The following ADAM18 variants were observed in gnomAD, a reference collection of about 807,000 sequenced individuals.
The protein encoded by ADAM18 is disintegrin and metalloproteinase domain-containing protein 18.
ADAM18 carries 117 observed loss-of-function variants against 94.4 expected under a neutral mutation model. That is an observed-to-expected ratio of 1.24 (90% CI 1.07 to 1.45). ADAM18 has a LOEUF of 1.45. Ranked by LOEUF, ADAM18 falls within the 40% of genes most tolerant of loss-of-function variation. ADAM18 has a pLI of 0.00. For synonymous variants in ADAM18, 327 were observed against 291.6 expected (o/e 1.12, Z -1.24); for missense variants, 936 against 880.0 (o/e 1.06, Z -0.81).
intron 7 of ADAM18, among the ~76,000 whole-genome samples, chr8:39,631,061 G>A (rs993297766): frequency 1.3e-5 from 2 of 151,754 alleles, no homozygotes; most frequent in African/African-American, 4.8e-5. Context: ...CATTTTAATA[G>A]TTTCCTTACT....
chr8:39,687,259 T>G (rs984193383), intron 16 of ADAM18, among the ~76,000 whole-genome samples: 9 of 152,214 alleles, frequency 5.9e-5, no homozygotes, highest in Non-Finnish European at 1.3e-4. Context: ...CATACTTAAA[T>G]GGCCATGCAT....
At chr8:39,715,529 A>G (rs1398235076) in intron 18 of ADAM18, among the ~76,000 whole-genome samples, 1 of 151,930 alleles carries the variant, frequency 6.6e-6, no homozygotes, top group Admixed American at 6.6e-5. Flanking sequence ...TTCTTTGAAA[A>G]CATCAGTTAC....
intron 7 of ADAM18, among the ~76,000 whole-genome samples, chr8:39,634,020 C>T (rs1327755856): frequency 6.6e-6 from 1 of 152,016 alleles, no homozygotes; most frequent in Non-Finnish European, 1.5e-5. Flanking sequence ...CATTACAAGC[C>T]CAGAGTGCTG....
intron 6 of ADAM18, among the ~76,000 whole-genome samples, chr8:39,628,943 A>G: frequency 6.6e-6 from 1 of 152,038 alleles, no homozygotes; most frequent in South Asian, 2.1e-4. Context: ...ACAAATCACA[A>G]TATTTACCTG....
intron 2 of ADAM18, among the ~76,000 whole-genome samples, chr8:39,585,577 A>G (rs761442837): frequency 3.9e-5 from 6 of 152,102 alleles, no homozygotes; most frequent in Non-Finnish European, 4.4e-5. Context: ...CTTGTTCACA[A>G]TTTCCAAGAA....
intron 15 of ADAM18, 89 bp from the exon 16 acceptor site, chr8:39,679,948 A>T: frequency 8.1e-7 from 1 of 1,240,684 alleles, no homozygotes; most frequent in Non-Finnish European, 1.1e-6. Flanking sequence ...CTATCAATTA[A>T]CAGTATGTTA....
At chr8:39,599,633 A>C (rs1407627336) in intron 2 of ADAM18, among the ~76,000 whole-genome samples, 1 of 152,118 alleles carries the variant, frequency 6.6e-6, no homozygotes, top group East Asian at 1.9e-4. Flanking sequence ...TTCTAGACAC[A>C]GATATTGCTC....
At chr8:39,592,848 T>C (rs1408172727) in intron 2 of ADAM18, among the ~76,000 whole-genome samples, 2 of 152,198 alleles carry the variant, frequency 1.3e-5, no homozygotes, top group Non-Finnish European at 2.9e-5. Flanking sequence ...AAAAGTGCTA[T>C]GCATGGATTT....
At chr8:39,624,405 AGGGTCC>A (rs1563280075) in intron 6 of ADAM18, among the ~76,000 whole-genome samples, 1 of 152,158 alleles carries the variant, frequency 6.6e-6, no homozygotes, top group Admixed American at 6.5e-5. Flanking sequence ...CATTGAATAG[AGGGTCC>A]TTCCCCCAAT....
chr8:39,678,519 C>T (rs1431321041), intron 15 of ADAM18, among the ~76,000 whole-genome samples: 2 of 152,054 alleles, frequency 1.3e-5, no homozygotes, highest in Admixed American at 6.6e-5. Flanking sequence ...GTGGGGATCT[C>T]AGGAGGAGAC....
intron 12 of ADAM18, among the ~76,000 whole-genome samples, chr8:39,650,099 A>G (rs867355477): frequency 1.3e-5 from 2 of 152,200 alleles, no homozygotes; most frequent in Non-Finnish European, 2.9e-5. Context: ...AGTAATTTGA[A>G]CTATATGAAA....
chr8:39,609,799 T>C (rs1819210207), intron 5 of ADAM18, among the ~76,000 whole-genome samples: 1 of 152,174 alleles, frequency 6.6e-6, no homozygotes, highest in African/African-American at 2.4e-5. Context: ...AAGAAAACTT[T>C]AAAATATCTC....
At chr8:39,692,505 T>C (rs1821809315) in intron 16 of ADAM18, 95 bp from the exon 17 acceptor site, 1 of 532,482 alleles carries the variant, frequency 1.9e-6, no homozygotes, top group Non-Finnish European at 3.1e-6. Flanking sequence ...TCTTTCAACT[T>C]AAGCATCTCT....
At chr8:39,589,625 T>C (rs1184594407) in intron 2 of ADAM18, among the ~76,000 whole-genome samples, 1 of 151,758 alleles carries the variant, frequency 6.6e-6, no homozygotes, top group East Asian at 1.9e-4. Context: ...AATATATATA[T>C]AAATATATAC....
At position 39,677,580 on chromosome 8, in the gene ADAM18, A is replaced by G. The variant is rs746367167; in HGVS notation, c.1631+44A>G. ...ATTGCTTCTTTGAATCATAAAAATT[A>G]TGTATTTTTATCAAGAGACACTAAG... On this transcript the variant is annotated intron_variant, in intron 15 of 19. Transcript: ENST00000265707. The G allele has an allele frequency of 6.4e-6, 9 of 1,414,394 alleles. No homozygotes were observed. The African/African-American group carries it at 1.2e-4, about 18-fold the overall frequency. 87.6% of individuals were successfully genotyped at this position (1,414,394 alleles called of 1,614,324 possible). A position where few individuals can be genotyped will look rare whatever the true frequency, so the allele number is the denominator to read the frequency against.
chr8:39,692,535 T>C, intron 16 of ADAM18, 65 bp from the exon 17 acceptor site: 1 of 961,368 alleles, frequency 1.0e-6, no homozygotes, highest in Non-Finnish European at 1.5e-6. Context: ...ATAGAAATCA[T>C]TAATGTTTTT....
intron 17 of ADAM18, among the ~76,000 whole-genome samples, chr8:39,701,780 G>A (rs937276125): frequency 6.6e-6 from 1 of 152,070 alleles, no homozygotes; most frequent in East Asian, 1.9e-4. Context: ...AAGGATAATG[G>A]CCTCCAGCTC....
chr8:39,667,104 A>G (rs1335394728), intron 13 of ADAM18, among the ~76,000 whole-genome samples: 1 of 152,106 alleles, frequency 6.6e-6, no homozygotes, highest in African/African-American at 2.4e-5. Flanking sequence ...AAATGAGGCC[A>G]GGTGTGGTGG....
At chr8:39,633,830 TAA>T (rs77940675) in intron 7 of ADAM18, among the ~76,000 whole-genome samples, 7 of 96,134 alleles carry the variant, frequency 7.3e-5, no homozygotes, top group Non-Finnish European at 6.4e-5. Flanking sequence ...CCTTGCCCTG[TAA>T]AAAAAAAAAA....
Sources: allele counts gnomAD v4.1 joint callset (sites outside exome capture counted in the v4.1 genomes callset), GRCh38; gene constraint gnomAD v4.1.1; transcripts MANE v1.5; gene names NCBI Gene and HGNC (gene_info 2026-07-23, HGNC 2026-07-21).